The following F5 variants were observed in gnomAD, a reference collection of about 807,000 sequenced individuals.
The protein encoded by F5 is coagulation factor V.
A neutral mutation model predicts 216.4 loss-of-function variants in F5; 138 were observed. The observed-to-expected ratio is 0.64, with a 90% CI of 0.56 to 0.73. The LOEUF (loss-of-function observed/expected upper bound fraction) is 0.73, where lower values mean the gene tolerates loss of function less well. Among genes scored for constraint, F5 ranks in the 30% least tolerant of loss-of-function variants. The probability of loss-of-function intolerance (pLI) is 0.00; values close to 1 mark genes in which losing one functional copy is unlikely to be tolerated. For missense variants in F5, 2,403 were observed against 2,674.0 expected (o/e 0.90, Z 2.24); for synonymous variants, 916 against 930.7 (o/e 0.98, Z 0.29).
At chr1:169,581,503 G>A (rs1660986087) in intron 2 of F5, among the ~76,000 whole-genome samples, 1 of 151,740 alleles carries the variant, frequency 6.6e-6, no homozygotes, top group Non-Finnish European at 1.5e-5. Flanking sequence ...ATTTGGTTTT[G>A]GTTTAGTCGT....
intron 2 of F5, among the ~76,000 whole-genome samples, chr1:169,579,137 G>A (rs1021857637): frequency 4.1e-5 from 6 of 145,748 alleles, no homozygotes; most frequent in Admixed American, 2.9e-4. Context: ...CAGTTTCCTC[G>A]CCTTCCATTC....
rs367658863 is a variant in F5, at chr1:169,542,391, G to T, written c.2699C>A (p.Ser900Tyr). The part of the protein sequence containing the change: ...VGRHLSQDTG[S>Y]PSGMRPWEDL... ...CTCCCAGGGCCTCATTCCGGAAGGAGAACCAGTGTCTTGGCTTAGGTGTCT... is the reference window on the plus strand; with the variant it reads ...CTCCCAGGGCCTCATTCCGGAAGGATAACCAGTGTCTTGGCTTAGGTGTCT... Residue 900 changes from serine (S) to tyrosine (Y), a missense_variant, in exon 13 of 25, where the codon TCT (serine) becomes TAT (tyrosine). Physicochemically the swap from Ser to Tyr is moderately radical, Grantham distance 144. Coordinates refer to ENST00000367797, the MANE Select transcript of F5 (RefSeq NM_000130.5). 1.2e-6 allele frequency: 2 copies of T among 1,614,002 alleles called. No individual in the cohort carries two copies. Among genetic ancestry groups the T allele is most frequent in the Non-Finnish European group, 1.7e-6 (2 of 1,179,984 alleles).
rs114731032 is a variant in F5 at position 169,528,991 on chromosome 1, C to T, written c.5419+617G>A. 6.2e-4 allele frequency among the ~76,000 whole-genome samples: 95 copies of T among 152,284 alleles called. 1 individual carries two copies. The highest frequency in any genetic ancestry group is 2.3e-3 in the African/African-American group (94 of 41,564). Reference sequence around the variant, plus strand: ...TCATAACACAAGCTCGTACCTTTCTCTTCTCAGTTTCTGTTTCAGTTACTA... The same window carrying T: ...TCATAACACAAGCTCGTACCTTTCTTTTCTCAGTTTCTGTTTCAGTTACTA... On this transcript the variant is annotated intron_variant, in intron 16 of 24. Transcript: ENST00000367797.
intron 3 of F5, among the ~76,000 whole-genome samples, chr1:169,563,353 T>C (rs1557927546): frequency 6.6e-6 from 1 of 152,090 alleles, no homozygotes; most frequent in African/African-American, 2.4e-5. Context: ...CTTGAATCTG[T>C]TGGTTTGTAG....
At position 169,523,225 on chromosome 1, in the gene F5, A is replaced by T. The variant is rs752979935; in HGVS notation, c.6020T>A (p.Phe2007Tyr). The T allele has an allele frequency of 3.1e-6, 5 of 1,613,950 alleles. No homozygotes were observed. The highest frequency in any genetic ancestry group is 1.3e-5 in the African/African-American group (1 of 74,908). ...YSSNQINWQI[F>Y]KGNSTRNVMY... ...CACATTCCTTGTGCTGTTCCCTTTG[A>T]AGATCTGCCAGTTGATCTGGTTGGA... The change falls in exon 21 of 25, where the codon TTC becomes TAC. Residue 2007 changes from phenylalanine to tyrosine, a missense_variant. Phe to Tyr is a conservative substitution (Grantham distance 22, BLOSUM62 3). This residue lies in a region of F5 where 659 missense variants were observed against 787.9 expected (regional missense o/e 0.84). Coordinates refer to ENST00000367797, the MANE Select transcript of F5 (RefSeq NM_000130.5).
At chr1:169,543,360 C>G (rs1365144031) in intron 12 of F5, among the ~76,000 whole-genome samples, 1 of 152,132 alleles carries the variant, frequency 6.6e-6, no homozygotes, top group Admixed American at 6.6e-5. Flanking sequence ...TGCTGTGACT[C>G]TAAGCACATG....
At chr1:169,576,437 T>C (rs1346295386) in intron 2 of F5, among the ~76,000 whole-genome samples, 1 of 152,108 alleles carries the variant, frequency 6.6e-6, no homozygotes, top group East Asian at 1.9e-4. Context: ...CAAAGTTCAG[T>C]CCTTATTTTA....
chr1:169,572,270 C>T lies in F5; in HGVS notation c.324G>A (p.Lys108=). ...IKVHFKNKAD[K]PLSIHPQGIR... ...TTCCTTGAGGATGGATGCTCAAGGG[C>T]TTATCTGCCTTATTTTTAAAGTGAA... The change falls in exon 3 of 25, where the codon AAG becomes AAA. Residue 108 remains lysine, a synonymous_variant. Coordinates refer to ENST00000367797, the MANE Select transcript of F5 (RefSeq NM_000130.5). The T allele has an allele frequency of 6.2e-7, 1 of 1,613,126 alleles. No individual in the cohort carries two copies. The highest frequency in any genetic ancestry group is 1.7e-5 in the Admixed American group (1 of 59,934).
intron 3 of F5, among the ~76,000 whole-genome samples, chr1:169,563,187 T>C (rs192989818): frequency 1.3e-5 from 2 of 152,214 alleles, no homozygotes; most frequent in Admixed American, 6.6e-5. Context: ...ATAAGTCTGC[T>C]ATCATTTCTT....
At chr1:169,555,140 G>A (rs552172164) in intron 7 of F5, 42 bp downstream of exon 7, 21 of 1,610,956 alleles carry the variant, frequency 1.3e-5, no homozygotes, top group Non-Finnish European at 1.8e-5. Context: ...TATGGAATGT[G>A]TCTTGAACCT....
At chr1:169,581,433 G>A (rs1230351307) in intron 2 of F5, among the ~76,000 whole-genome samples, 1 of 151,526 alleles carries the variant, frequency 6.6e-6, no homozygotes, top group Non-Finnish European at 1.5e-5. Flanking sequence ...AAGGCAGGCA[G>A]GGTCAAGGGG....
intron 24 of F5, among the ~76,000 whole-genome samples, chr1:169,515,052 G>A (rs1659126958): frequency 6.6e-6 from 1 of 152,118 alleles, no homozygotes; most frequent in Non-Finnish European, 1.5e-5. Context: ...ATAAATGTTT[G>A]ACTATTGCTA....
intron 14 of F5, among the ~76,000 whole-genome samples, chr1:169,532,666 A>T (rs1027349712): frequency 2.0e-5 from 3 of 152,186 alleles, no homozygotes; most frequent in African/African-American, 7.2e-5. Flanking sequence ...AAAACATCTA[A>T]CCAAAGAGGT....
At position 169,536,670 on chromosome 1, in the gene F5, T is replaced by C. The variant is rs1659712459; in HGVS notation, c.4807A>G (p.Ile1603Val). ...YSEFVQRETD[I>V]EDSDDIPEDT... is the part of the protein sequence containing the mutation. ...TCTGGAATATCATCAGAGTCTTCAATATCTGTTTCCCTGAAATAATAATAC... is the reference window on the plus strand; with the variant it reads ...TCTGGAATATCATCAGAGTCTTCAACATCTGTTTCCCTGAAATAATAATAC... Residue 1603 changes from isoleucine (I) to valine (V), a missense_variant, in exon 14 of 25, where the codon ATT (isoleucine) becomes GTT (valine). By Grantham distance (29) the Ile-to-Val change is conservative. Around this residue, in one of 4 missense-constraint regions of F5, gnomAD observed 659 missense variants for 787.9 expected, o/e 0.84. Coordinates refer to ENST00000367797, the MANE Select transcript of F5 (RefSeq NM_000130.5). 1 of 1,609,642 alleles carries C rather than the reference T, an allele frequency of 6.2e-7. No individual in the cohort carries two copies. The highest frequency in any genetic ancestry group is 8.5e-7 in the Non-Finnish European group (1 of 1,176,070).
rs768300712 is a variant in F5, at chr1:169,540,916, G to A, written c.4174C>T (p.Pro1392Ser). 4.3e-6 allele frequency: 7 copies of A among 1,611,634 alleles called. No individual in the cohort carries two copies. The highest frequency in any genetic ancestry group is 5.9e-6 in the Non-Finnish European group (7 of 1,179,136). The change falls in exon 13 of 25, where the codon CCC (proline) becomes TCC (serine). Residue 1392 changes from proline to serine, a missense_variant. By Grantham distance (74) the Pro-to-Ser change is moderately conservative. This residue lies in a region of F5 where 293 missense variants were observed against 270.8 expected (regional missense o/e 1.08). Coordinates refer to ENST00000367797, the MANE Select transcript of F5 (RefSeq NM_000130.5). ...ATTTGACTGAGATCTGCAAAGAGGG[G>A]CATCTCACTGAGGTCTGGGGAAAGG... ...TNLSPDLSEMPLFADLSQIPL... is the reference protein window; with the variant it reads ...TNLSPDLSEMSLFADLSQIPL...
chr1:169,543,133 C>T lies in F5; in HGVS notation c.1976-19G>A. 6.2e-7 allele frequency: 1 copy of T among 1,608,090 alleles called. No homozygotes were observed. Among genetic ancestry groups the T allele is most frequent in the South Asian group, 1.1e-5 (1 of 90,974 alleles). On this transcript the variant is annotated intron_variant, in intron 12 of 24. Coordinates refer to ENST00000367797, the MANE Select transcript of F5 (RefSeq NM_000130.5). The stretch of plus-strand genomic sequence containing the variant: ...CAAGTTCCTACAGAAGAGAGACAGA[C>T]AGAAGAGAGATCTGGAAGTCTGGGA...
chr1:169,527,754 G>A (rs902130989), intron 17 of F5, among the ~76,000 whole-genome samples, 161 bp downstream of exon 17: 2 of 152,168 alleles, frequency 1.3e-5, no homozygotes, highest in Non-Finnish European at 2.9e-5. Flanking sequence ...TTTGTACTCC[G>A]TATATACTTT....
chr1:169,557,015 G>C, intron 5 of F5, 148 bp from the exon 6 acceptor site: 1 of 713,390 alleles, frequency 1.4e-6, no homozygotes, highest in Non-Finnish European at 2.3e-6. Flanking sequence ...GTTGTAGTTT[G>C]TGCCCTGCAA....
chr1:169,536,585 C>T lies in F5; in HGVS notation c.4892G>A (p.Arg1631His), dbSNP rs1388829757. The T allele has an allele frequency of 1.4e-5, 22 of 1,613,424 alleles. No homozygotes were observed. The highest frequency in any genetic ancestry group is 1.6e-5 in the Non-Finnish European group (19 of 1,179,596). The change falls in exon 14 of 25, where the codon CGT (arginine) becomes CAT (histidine). Residue 1631 changes from arginine (R) to histidine (H), a missense_variant. By Grantham distance (29) the Arg-to-His change is conservative. This residue lies in a region of F5 where 659 missense variants were observed against 787.9 expected (regional missense o/e 0.84). Coordinates refer to ENST00000367797, the MANE Select transcript of F5 (RefSeq NM_000130.5). ...RKYLDSTFTK[R>H]DPRGEYEEHL... ...CTCTTCATACTCCCCTCGAGGATCA[C>T]GTTTGGTAAAAGTGCTGTCGAGGTA...
Sources: gnomAD v4.1 joint callset for allele counts (sites outside exome capture counted in the v4.1 genomes callset) on GRCh38, gnomAD v4.1.1 for gene constraint, gnomAD v4.1.1 regional missense constraint, MANE v1.5 for transcripts, NCBI Gene and HGNC (gene_info 2026-07-23, HGNC 2026-07-21) for gene names.